CSMD3: variants seen among roughly 807,000 people sequenced by gnomAD.
CSMD3 encodes the protein CUB and sushi domain-containing protein 3.
CSMD3 carries 177 observed loss-of-function variants against 435.2 expected under a neutral mutation model. The ratio of observed to expected loss-of-function variants is 0.41; its 90% CI spans 0.36 to 0.46. CSMD3 has a LOEUF of 0.46. Ranked by LOEUF, CSMD3 falls within the 20% of genes least tolerant of loss-of-function variation. The pLI is 0.34. For synonymous variants in CSMD3, 1,656 were observed against 1,520.5 expected (o/e 1.09, Z -2.07); for missense variants, 4,265 against 4,504.6 (o/e 0.95, Z 1.52).
At chr8:113,071,008 A>T (rs1280929021) in intron 5 of CSMD3, among the ~76,000 whole-genome samples, 1 of 151,988 alleles carries the variant, frequency 6.6e-6, no homozygotes, top group East Asian at 1.9e-4. Flanking sequence ...TCTAATAGCC[A>T]TTCTAACAGA....
At chr8:112,606,432 C>T (rs774424518) in intron 22 of CSMD3, among the ~76,000 whole-genome samples, 1 of 152,116 alleles carries the variant, frequency 6.6e-6, no homozygotes, top group Non-Finnish European at 1.5e-5. Context: ...CCACTGACTC[C>T]ATCAGAGACG....
intron 3 of CSMD3, among the ~76,000 whole-genome samples, chr8:113,277,614 GA>G (rs2093581600): frequency 6.6e-6 from 1 of 151,862 alleles, no homozygotes; most frequent in African/African-American, 2.4e-5. Flanking sequence ...ATATGGTTTA[GA>G]AATTAATTGC....
At chr8:113,138,083 CTT>C (rs1326970284) in intron 4 of CSMD3, among the ~76,000 whole-genome samples, 1 of 151,354 alleles carries the variant, frequency 6.6e-6, no homozygotes, top group African/African-American at 2.4e-5. Context: ...TCCAAATTGT[CTT>C]TTTCTTTGGC....
intron 3 of CSMD3, among the ~76,000 whole-genome samples, chr8:113,250,289 A>T (rs1738907405): frequency 6.6e-6 from 1 of 152,118 alleles, no homozygotes; most frequent in Admixed American, 6.6e-5. Flanking sequence ...AAAGGAGTTC[A>T]TATTATTAGA....
At chr8:112,674,963 A>T (rs1256367513) in intron 16 of CSMD3, among the ~76,000 whole-genome samples, 1 of 152,174 alleles carries the variant, frequency 6.6e-6, no homozygotes, top group Non-Finnish European at 1.5e-5. Flanking sequence ...AAAGACATAT[A>T]GATCTCCCTA....
At chr8:112,764,475 A>G (rs1240283765) in intron 13 of CSMD3, among the ~76,000 whole-genome samples, 1 of 151,544 alleles carries the variant, frequency 6.6e-6, no homozygotes, top group Non-Finnish European at 1.5e-5. Flanking sequence ...CACACCTTTA[A>G]AATAAAAGGT....
At chr8:112,885,816 T>C (rs140104024) in intron 10 of CSMD3, among the ~76,000 whole-genome samples, 29 of 151,836 alleles carry the variant, frequency 1.9e-4, no homozygotes, top group Non-Finnish European at 2.7e-4. Flanking sequence ...AATTTCTTAC[T>C]TGTAAGCACA....
intron 59 of CSMD3, among the ~76,000 whole-genome samples, chr8:112,271,228 T>C (rs1302086926): frequency 4.6e-5 from 7 of 152,222 alleles, no homozygotes; most frequent in Non-Finnish European, 8.8e-5. Flanking sequence ...AAAAATATCA[T>C]TGATAACAAA....
At chr8:112,230,562 G>T (rs1261696534) in intron 69 of CSMD3, among the ~76,000 whole-genome samples, 1 of 152,168 alleles carries the variant, frequency 6.6e-6, no homozygotes, top group Non-Finnish European at 1.5e-5. Flanking sequence ...GCCAAGGCGG[G>T]CGGATCACCT....
chr8:112,315,203 A>C (rs1278058297), intron 47 of CSMD3, among the ~76,000 whole-genome samples: 1 of 151,940 alleles, frequency 6.6e-6, no homozygotes, highest in Non-Finnish European at 1.5e-5. Context: ...AGCCCAAAGC[A>C]CAAACTCTTT....
At chr8:112,700,800 C>A (rs1233893494) in intron 13 of CSMD3, among the ~76,000 whole-genome samples, 1 of 152,110 alleles carries the variant, frequency 6.6e-6, no homozygotes, top group African/African-American at 2.4e-5. Flanking sequence ...CCTACAGGGG[C>A]TGGATAGCAG....
Position 112,263,708 on chromosome 8 carries a change from G to T in CSMD3, c.9793C>A (p.Leu3265Ile). 2 of 1,613,734 alleles carry T rather than the reference G, an allele frequency of 1.2e-6. No individual in the cohort carries two copies. The highest frequency in any genetic ancestry group is 1.1e-5 in the South Asian group (1 of 91,082). Residue 3265 changes from leucine (L) to isoleucine (I), a missense_variant, in exon 61 of 71, where the codon CTA becomes ATA. By Grantham distance (5) the Leu-to-Ile change is conservative (BLOSUM62 2). Coordinates refer to ENST00000297405, the MANE Select transcript of CSMD3 (RefSeq NM_198123.2). ...CAGGTCAAAACAGCAGGGAAGGATA[G>T]CTCATAGCCTGGAGAACAGATGTAG... ...ISYICSPGYE[L>I]SFPAVLTCVG...
intron 3 of CSMD3, among the ~76,000 whole-genome samples, chr8:113,216,426 G>A (rs1450746981): frequency 2.6e-5 from 4 of 151,908 alleles, no homozygotes; most frequent in Admixed American, 6.6e-5. Context: ...AACAAGGTAT[G>A]AGGTATGAGT....
At chr8:112,763,110 T>A (rs2077884542) in intron 13 of CSMD3, among the ~76,000 whole-genome samples, 1 of 151,754 alleles carries the variant, frequency 6.6e-6, no homozygotes, top group African/African-American at 2.4e-5. Context: ...CTACATTCAT[T>A]CATTCCACAA....
intron 1 of CSMD3, among the ~76,000 whole-genome samples, chr8:113,408,136 T>A (rs920041959): frequency 3.3e-5 from 5 of 152,172 alleles, no homozygotes; most frequent in African/African-American, 1.2e-4. Context: ...TAACTCTATT[T>A]TTTTTCAAAT....
Position 112,506,960 on chromosome 8 carries a change from T to C in CSMD3, c.4757-131A>G, listed in dbSNP as rs574546759. ...CAGACCTGAATTTTATAGTACTTGATGCTTGGATACAGCATTATGTTTCAA... is the reference window on the plus strand; with the variant it reads ...CAGACCTGAATTTTATAGTACTTGACGCTTGGATACAGCATTATGTTTCAA... On this transcript the variant is annotated intron_variant, in intron 28 of 70. Coordinates refer to ENST00000297405, the MANE Select transcript of CSMD3 (RefSeq NM_198123.2). 28 of 750,090 alleles carry C rather than the reference T, an allele frequency of 3.7e-5. No homozygotes were observed. The African/African-American group carries it at 3.9e-4, about 10-fold the overall frequency. The allele number at this position is 750,090 out of a possible 1,614,324, so 46.5% of individuals were successfully genotyped here.
At chr8:112,973,124 G>A (rs183367387) in intron 7 of CSMD3, among the ~76,000 whole-genome samples, 3 of 151,888 alleles carry the variant, frequency 2.0e-5, no homozygotes, top group Non-Finnish European at 4.4e-5. Context: ...GCAGTTTCCC[G>A]TGGGTCATCA....
At chr8:112,590,383 A>G (rs1257672425) in intron 22 of CSMD3, among the ~76,000 whole-genome samples, 1 of 152,034 alleles carries the variant, frequency 6.6e-6, no homozygotes, top group Admixed American at 6.6e-5. Context: ...AAGGGAGAAG[A>G]CAAGTGGGGT....
At position 112,368,419 on chromosome 8, in the gene CSMD3, G is replaced by T. The variant is rs574098881; in HGVS notation, c.6136+11933C>A. ...GCCTTGTCATCTGGAGTTTCTAAAA[G>T]ACTTCAAGATGATTGCAATGCACAA... On this transcript the variant is annotated intron_variant, in intron 38 of 70. Coordinates refer to ENST00000297405, the MANE Select transcript of CSMD3 (RefSeq NM_198123.2). Among the ~76,000 whole-genome samples, 18 of 152,276 alleles carry T rather than the reference G, an allele frequency of 1.2e-4. No individual in the cohort carries two copies. In the South Asian group the frequency reaches 3.7e-3, roughly 32 times the overall value.
Sources: gnomAD v4.1 joint callset for allele counts (sites outside exome capture counted in the v4.1 genomes callset) on GRCh38, gnomAD v4.1.1 for gene constraint, MANE v1.5 for transcripts, NCBI Gene and HGNC (gene_info 2026-07-23, HGNC 2026-07-21) for gene names.